PARM1: variants seen among roughly 807,000 people sequenced by gnomAD.
The protein encoded by PARM1 is prostate androgen-regulated mucin-like protein 1.
PARM1 carries 14 observed loss-of-function variants against 24.6 expected under a neutral mutation model. The observed-to-expected ratio is 0.57, with a 90% CI of 0.38 to 0.89. The LOEUF (loss-of-function observed/expected upper bound fraction) is 0.89. Ranked by LOEUF, PARM1 falls within the 40% of genes least tolerant of loss-of-function variation. The pLI, the probability that PARM1 is intolerant of heterozygous loss-of-function variation, is 0.00. For synonymous variants in PARM1, 179 were observed against 156.6 expected (o/e 1.14, Z -1.07); for missense variants, 362 against 380.4 (o/e 0.95, Z 0.40).
chr4:74,980,483 A>G (rs1722227739), intron 1 of PARM1, among the ~76,000 whole-genome samples: 1 of 152,216 alleles, frequency 6.6e-6, no homozygotes, highest in Non-Finnish European at 1.5e-5. Context: ...AAATGGAAAA[A>G]CATTATATGC....
intron 1 of PARM1, among the ~76,000 whole-genome samples, chr4:74,946,887 GAGT>G (rs1171075531): frequency 6.6e-6 from 1 of 152,174 alleles, no homozygotes; most frequent in Non-Finnish European, 1.5e-5. Context: ...CATAATAGAT[GAGT>G]AGAAGAAAAA....
At chr4:74,949,472 C>A (rs1283189903) in intron 1 of PARM1, among the ~76,000 whole-genome samples, 1 of 152,162 alleles carries the variant, frequency 6.6e-6, no homozygotes, top group Admixed American at 6.5e-5. Flanking sequence ...GCCACCACGC[C>A]TGGCTAATTT....
intron 3 of PARM1, 116 bp downstream of exon 3, chr4:75,034,077 G>A: frequency 1.2e-6 from 1 of 801,670 alleles, no homozygotes; most frequent in African/African-American, 1.7e-5. Context: ...AGAAATATTG[G>A]CAGAGAAGTG....
intron 2 of PARM1, among the ~76,000 whole-genome samples, chr4:75,033,502 AG>A (rs1207143912): frequency 6.6e-6 from 1 of 152,212 alleles, no homozygotes; most frequent in Non-Finnish European, 1.5e-5. Context: ...CCATAAAAGA[AG>A]AAAATAGGAC....
intron 2 of PARM1, among the ~76,000 whole-genome samples, chr4:75,025,844 CAT>C (rs1218728510): frequency 2.0e-5 from 3 of 152,182 alleles, no homozygotes; most frequent in African/African-American, 7.2e-5. Flanking sequence ...GAAGTGGAAA[CAT>C]ATAGATGTTG....
At chr4:75,013,266 A>G (rs1329120346) in intron 2 of PARM1, 116 bp downstream of exon 2, 17 of 1,066,796 alleles carry the variant, frequency 1.6e-5, no homozygotes, top group Non-Finnish European at 8.0e-6. Context: ...CCTAAGTTGA[A>G]TTATAATTCA....
chr4:75,024,142 G>C (rs1316119160), intron 2 of PARM1, among the ~76,000 whole-genome samples: 1 of 152,100 alleles, frequency 6.6e-6, no homozygotes, highest in Non-Finnish European at 1.5e-5. Flanking sequence ...CGTGGTAGCG[G>C]GCGCCTGTAG....
chr4:74,988,422 T>C (rs1203534159), intron 1 of PARM1, among the ~76,000 whole-genome samples: 1 of 152,178 alleles, frequency 6.6e-6, no homozygotes, highest in Non-Finnish European at 1.5e-5. Flanking sequence ...AGTATACATA[T>C]TTATGCTGCT....
At chr4:74,935,764 C>A (rs1353906775) in intron 1 of PARM1, among the ~76,000 whole-genome samples, 1 of 152,170 alleles carries the variant, frequency 6.6e-6, no homozygotes, top group African/African-American at 2.4e-5. Context: ...ATACAATGGA[C>A]ACTTGCAAAT....
chr4:74,987,467 A>G (rs1459986143), intron 1 of PARM1, among the ~76,000 whole-genome samples: 5 of 152,246 alleles, frequency 3.3e-5, no homozygotes, highest in African/African-American at 9.6e-5. Context: ...GGAAAGATGC[A>G]TGTAAATCAA....
intron 1 of PARM1, among the ~76,000 whole-genome samples, chr4:74,979,114 G>A (rs1368620676): frequency 6.6e-6 from 1 of 150,476 alleles, no homozygotes; most frequent in African/African-American, 2.4e-5. Context: ...GATCAGAGAG[G>A]AACAGAAGGA....
chr4:74,986,652 G>A lies in PARM1; in HGVS notation c.44-25773G>A, dbSNP rs533250017. ...GCAATGCTAAGTCCAACACAAGGGG[G>A]TGGAAATGAAGGGGTCGGGGCTGTT... On this transcript the variant is annotated intron_variant, in intron 1 of 3. Coordinates refer to ENST00000307428, the MANE Select transcript of PARM1 (RefSeq NM_015393.4). Among the ~76,000 whole-genome samples, 647 of 152,314 alleles carry A rather than the reference G, an allele frequency of 4.2e-3. 4 individuals carry two copies. The highest frequency in any genetic ancestry group is 6.4e-3 in the Non-Finnish European group (437 of 68,024).
chr4:75,025,065 G>C (rs928768551), intron 2 of PARM1, among the ~76,000 whole-genome samples: 30 of 152,162 alleles, frequency 2.0e-4, no homozygotes, highest in African/African-American at 6.8e-4. Context: ...TAGAGGAGAG[G>C]GTAACAACAA....
chr4:75,025,710 G>C (rs943287812), intron 2 of PARM1, among the ~76,000 whole-genome samples: 4 of 152,160 alleles, frequency 2.6e-5, no homozygotes, highest in African/African-American at 9.7e-5. Context: ...GCAAGTGCAA[G>C]TATTTTATTA....
intron 1 of PARM1, among the ~76,000 whole-genome samples, chr4:75,011,703 T>A (rs1479949104): frequency 6.6e-6 from 1 of 152,214 alleles, no homozygotes; most frequent in South Asian, 2.1e-4. Context: ...AGTGATATGA[T>A]GGTAAGGACC....
At chr4:75,023,991 G>A (rs1189164463) in intron 2 of PARM1, among the ~76,000 whole-genome samples, 3 of 152,160 alleles carry the variant, frequency 2.0e-5, no homozygotes, top group African/African-American at 7.2e-5. Context: ...CAAGTTCCTG[G>A]CCAGGTGCGG....
rs200120426 is a variant in PARM1 at position 75,012,781 on chromosome 4, G to A, written c.400G>A (p.Val134Met). 131 of 1,613,954 alleles carry A rather than the reference G, an allele frequency of 8.1e-5. No individual in the cohort carries two copies. The Middle Eastern group carries it at 8.2e-4, about 10-fold the overall frequency. Residue 134 changes from valine (V) to methionine (M), a missense_variant, in exon 2 of 4, where the codon GTG becomes ATG. Transcript: ENST00000307428. ...CAGCTCGGGCACTCCTGAAGCAGGC[G>A]TGGCAGCTACACTGTCGCAGTCCGC... Reference protein sequence around the residue: ...EHSSGTPEAGVAATLSQSAAE... With the variant: ...EHSSGTPEAGMAATLSQSAAE...
chr4:74,968,976 G>C (rs1721966811), intron 1 of PARM1, among the ~76,000 whole-genome samples: 2 of 152,176 alleles, frequency 1.3e-5, no homozygotes, highest in South Asian at 4.1e-4. Context: ...CTATGGGCTG[G>C]TTTGCCAGGG....
At chr4:74,948,682 C>A (rs1721452756) in intron 1 of PARM1, among the ~76,000 whole-genome samples, 1 of 152,140 alleles carries the variant, frequency 6.6e-6, no homozygotes, top group Admixed American at 6.5e-5. Flanking sequence ...TCCAGGAGAT[C>A]CAGTTGGCCG....
Sources: gnomAD v4.1 joint callset for allele counts (sites outside exome capture counted in the v4.1 genomes callset) on GRCh38, gnomAD v4.1.1 for gene constraint, MANE v1.5 for transcripts, NCBI Gene and HGNC (gene_info 2026-07-23, HGNC 2026-07-21) for gene names.